SORCS3: variants seen among roughly 807,000 people sequenced by gnomAD.
SORCS3 encodes VPS10 domain-containing receptor SorCS3.
Under a neutral mutation model 146.3 loss-of-function variants are expected in SORCS3, and 57 were observed. That is an observed-to-expected ratio of 0.39 (90% confidence interval 0.31 to 0.49). The LOEUF is 0.49. Among genes scored for constraint, SORCS3 ranks in the 20% least tolerant of loss-of-function variants. The pLI is 0.92. For missense variants in SORCS3, 1,341 were observed against 1,575.5 expected, an observed-to-expected ratio of 0.85 and a Z score of 2.52; for synonymous variants, 653 against 618.5, an observed-to-expected ratio of 1.06 and a Z score of -0.83.
Position 104,986,141 on chromosome 10 carries a change from C to T in SORCS3, c.954+8648C>T, listed in dbSNP as rs184310514. 5.5e-3 allele frequency among the ~76,000 whole-genome samples: 841 copies of T among 152,304 alleles called. 26 individuals carry two copies. The highest frequency in any genetic ancestry group is 0.049 in the Admixed American group (749 of 15,292). ...CATTGAAAATCTTGTTTTGTGTATC[C>T]GCCATCATCCATGATCTTAGCTAGA... On this transcript the variant is annotated intron_variant, in intron 4 of 26. Coordinates refer to ENST00000369701, the MANE Select transcript of SORCS3 (RefSeq NM_014978.3).
chr10:105,254,201 C>T (rs1380172931), intron 23 of SORCS3, among the ~76,000 whole-genome samples: 2 of 152,194 alleles, frequency 1.3e-5, no homozygotes, highest in Non-Finnish European at 1.5e-5. Context: ...AGATAGAAAA[C>T]GCAGAGGAGA....
chr10:105,200,150 G>A (rs1226741981), intron 15 of SORCS3, 34 bp downstream of exon 15: 1 of 1,539,316 alleles, frequency 6.5e-7, no homozygotes, highest in Non-Finnish European at 9.0e-7. Context: ...TGCTGGCTTT[G>A]AGGAGGAGGA....
intron 9 of SORCS3, among the ~76,000 whole-genome samples, chr10:105,150,010 G>T (rs1298964154): frequency 6.6e-6 from 1 of 152,100 alleles, no homozygotes; most frequent in African/African-American, 2.4e-5. Context: ...CAGCTTTCTT[G>T]ATCTTGTTTT....
chr10:104,664,536 C>A (rs776971535), intron 1 of SORCS3: 3 of 152,214 alleles, frequency 2.0e-5, no homozygotes, highest in African/African-American at 7.2e-5. Flanking sequence ...CTGCTTATGT[C>A]ACCACATTCC....
At chr10:104,916,005 A>T in intron 3 of SORCS3, 73 bp downstream of exon 3, 12 of 1,150,752 alleles carry the variant, frequency 1.0e-5, no homozygotes, top group Non-Finnish European at 1.3e-6. Context: ...GAGGTTAAGG[A>T]AAAAACTCAG....
chr10:105,071,415 G>A (rs1347116130), intron 5 of SORCS3, among the ~76,000 whole-genome samples: 1 of 152,198 alleles, frequency 6.6e-6, no homozygotes, highest in Admixed American at 6.5e-5. Flanking sequence ...GGCACCAGGT[G>A]GACTAAGCAT....
chr10:105,061,616 C>T (rs1258881370), intron 5 of SORCS3, among the ~76,000 whole-genome samples: 1 of 146,130 alleles, frequency 6.8e-6, no homozygotes, highest in Non-Finnish European at 1.5e-5. Context: ...AATAGACCTC[C>T]AAATAGAGAG....
intron 4 of SORCS3, among the ~76,000 whole-genome samples, chr10:104,986,166 A>G (rs1241789005): frequency 6.6e-6 from 1 of 152,212 alleles, no homozygotes; most frequent in Non-Finnish European, 1.5e-5. Flanking sequence ...TCTTAGCTAG[A>G]TCTTCTGGAT....
At chr10:104,642,021 G>GTT in intron 1 of SORCS3, 67 bp downstream of exon 1, 1 of 369,180 alleles carries the variant, frequency 2.7e-6, no homozygotes. Flanking sequence ...GGGGTGGGTG[G>GTT]GAGCGAGGGA....
At chr10:104,859,713 A>T (rs1044320832) in intron 2 of SORCS3, among the ~76,000 whole-genome samples, 2 of 152,168 alleles carry the variant, frequency 1.3e-5, no homozygotes, top group African/African-American at 4.8e-5. Flanking sequence ...AACTCAAACA[A>T]ATTTACAAGA....
intron 1 of SORCS3, 68 bp downstream of exon 1, chr10:104,642,022 G>GGGGGGGGGGGGGGGGGCCCCCC: frequency 1.7e-4 from 29 of 173,302 alleles, no homozygotes; most frequent in Middle Eastern, 1.4e-3. Flanking sequence ...GGGTGGGTGG[G>GGGGGGGGGGGGGGGGGCCCCCC]AGCGAGGGAC....
intron 1 of SORCS3, among the ~76,000 whole-genome samples, chr10:104,645,542 G>A (rs1484750031): frequency 7.9e-5 from 12 of 152,140 alleles, no homozygotes; most frequent in East Asian, 7.7e-4. Context: ...TTCCAGCAGC[G>A]CACTCGAAGT....
intron 1 of SORCS3, among the ~76,000 whole-genome samples, chr10:104,749,466 G>A (rs560793105): frequency 3.3e-4 from 50 of 152,208 alleles, no homozygotes; most frequent in Middle Eastern, 3.4e-3. Flanking sequence ...TGGCTCAAGT[G>A]TTCAATATAA....
chr10:104,974,686 T>C (rs1403422378), intron 3 of SORCS3, among the ~76,000 whole-genome samples: 1 of 152,140 alleles, frequency 6.6e-6, no homozygotes, highest in East Asian at 1.9e-4. Flanking sequence ...GAGCATTTAG[T>C]CCATTTACAT....
intron 14 of SORCS3, among the ~76,000 whole-genome samples, chr10:105,192,772 G>T (rs2056523590): frequency 6.6e-6 from 1 of 152,084 alleles, no homozygotes. Context: ...ATTCTTTCTT[G>T]AAGGATTGTG....
rs866505647 is a variant in SORCS3, at chr10:105,201,249, G to A, written c.2257G>A (p.Glu753Lys). ...EPCVCANWDF[E>K]CDYGYERHGE... ...CTGTGTCTGTGCCAATTGGGACTTC[G>A]AGTGGTGAGTTGTTTGGCATTTCAT... Residue 753 changes from glutamate to lysine, a missense_variant, in exon 16 of 27, where the codon GAG becomes AAG. Glu to Lys is a moderately conservative substitution (Grantham distance 56, BLOSUM62 1). Transcript: ENST00000369701. 6.2e-7 allele frequency: 1 copy of A among 1,605,992 alleles called. No homozygotes were observed. The highest frequency in any genetic ancestry group is 8.5e-7 in the Non-Finnish European group (1 of 1,176,976).
At chr10:104,808,486 T>C (rs1447782282) in intron 1 of SORCS3, among the ~76,000 whole-genome samples, 1 of 152,012 alleles carries the variant, frequency 6.6e-6, no homozygotes, top group Non-Finnish European at 1.5e-5. Flanking sequence ...GAGGTAAATG[T>C]ATGATTTGGG....
intron 5 of SORCS3, among the ~76,000 whole-genome samples, chr10:105,070,284 G>C (rs1029720171): frequency 9.2e-5 from 14 of 152,234 alleles, no homozygotes; most frequent in African/African-American, 2.9e-4. Flanking sequence ...AAGGTTGAGA[G>C]TGGTTATCAG....
chr10:105,135,881 T>A (rs986619294), intron 7 of SORCS3, among the ~76,000 whole-genome samples: 1 of 152,222 alleles, frequency 6.6e-6, no homozygotes, highest in South Asian at 2.1e-4. Context: ...AGTATTCTGT[T>A]CATGACCAGG....
Sources: gnomAD v4.1 joint callset for allele counts (sites outside exome capture counted in the v4.1 genomes callset) on GRCh38, gnomAD v4.1.1 for gene constraint, MANE v1.5 for transcripts, NCBI Gene and HGNC (gene_info 2026-07-23, HGNC 2026-07-21) for gene names.